The following CSMD1 variants were observed in gnomAD, a reference collection of about 807,000 sequenced individuals.
CSMD1 encodes the protein CUB and Sushi multiple domains 1.
Under a neutral mutation model 417.5 loss-of-function variants are expected in CSMD1, and 213 were observed. That is an observed-to-expected ratio of 0.51 (90% confidence interval 0.46 to 0.57). CSMD1 has a LOEUF of 0.57. Ranked by LOEUF, CSMD1 falls within the 20% of genes least tolerant of loss-of-function variation. CSMD1 has a pLI of 0.00. For missense variants in CSMD1, 6,923 were observed against 4,529.7 expected, an observed-to-expected ratio of 1.53 and a Z score of -15.17; for synonymous variants, 2,862 against 1,736.8, an observed-to-expected ratio of 1.65 and a Z score of -16.11.
At chr8:3,898,367 T>C (rs1807506577) in intron 5 of CSMD1, among the ~76,000 whole-genome samples, 1 of 152,122 alleles carries the variant, frequency 6.6e-6, no homozygotes, top group East Asian at 1.9e-4. Flanking sequence ...TTATATGGCA[T>C]GATCTGTTAT....
intron 1 of CSMD1, among the ~76,000 whole-genome samples, chr8:4,850,950 CTTT>C (rs35923749): frequency 6.7e-6 from 1 of 149,984 alleles, no homozygotes; most frequent in South Asian, 2.1e-4. Flanking sequence ...TGTTAATTTC[CTTT>C]TTTTAATATA....
chr8:4,789,419 T>A (rs143398120), intron 1 of CSMD1, among the ~76,000 whole-genome samples: 1 of 152,180 alleles, frequency 6.6e-6, no homozygotes, highest in African/African-American at 2.4e-5. Context: ...GTATCTAATA[T>A]TGATAGTACT....
intron 47 of CSMD1, among the ~76,000 whole-genome samples, chr8:3,093,415 C>A (rs1015294400): frequency 1.3e-5 from 2 of 152,132 alleles, no homozygotes; most frequent in African/African-American, 2.4e-5. Flanking sequence ...ACCTGTAATC[C>A]CAGCGCTTTG....
intron 27 of CSMD1, among the ~76,000 whole-genome samples, chr8:3,228,822 G>T (rs943890824): frequency 6.6e-6 from 1 of 151,818 alleles, no homozygotes; most frequent in Non-Finnish European, 1.5e-5. Context: ...GTAGGCCATT[G>T]GTTTAAAATG....
At chr8:4,883,418 C>A (rs1288456218) in intron 1 of CSMD1, among the ~76,000 whole-genome samples, 1 of 151,902 alleles carries the variant, frequency 6.6e-6, no homozygotes, top group Non-Finnish European at 1.5e-5. Flanking sequence ...AAGATCATCA[C>A]CACTCTCTCA....
At chr8:4,723,257 T>C (rs892987712) in intron 1 of CSMD1, among the ~76,000 whole-genome samples, 3 of 152,156 alleles carry the variant, frequency 2.0e-5, no homozygotes, top group Non-Finnish European at 4.4e-5. Context: ...TTTCTTGCCA[T>C]CCCTTCACTT....
intron 8 of CSMD1, among the ~76,000 whole-genome samples, chr8:3,613,720 CACACACACACACACACA>C (rs1412680300): frequency 0.012 from 1,374 of 113,250 alleles, 23 homozygotes; most frequent in African/African-American, 0.043. Flanking sequence ...CACACACACA[CACACACACACACACACA>C]CCTCAAAAAA....
intron 1 of CSMD1, among the ~76,000 whole-genome samples, chr8:4,813,124 G>T (rs530365014): frequency 5.2e-4 from 79 of 152,236 alleles, no homozygotes; most frequent in African/African-American, 1.8e-3. Flanking sequence ...CTAAAAATAT[G>T]TTAAGCTCTC....
chr8:3,827,201 G>A (rs1802104712), intron 5 of CSMD1, among the ~76,000 whole-genome samples: 2 of 152,172 alleles, frequency 1.3e-5, no homozygotes. Flanking sequence ...TTCTCCCAAA[G>A]AGTAGGGACA....
At chr8:4,257,349 T>G (rs182518996) in intron 3 of CSMD1, among the ~76,000 whole-genome samples, 153 of 152,312 alleles carry the variant, frequency 1.0e-3, no homozygotes, top group Non-Finnish European at 1.5e-3. Context: ...ATTCAAGGGT[T>G]GAATAATTTT....
chr8:3,837,407 T>C (rs1175655503), intron 5 of CSMD1, among the ~76,000 whole-genome samples: 1 of 152,114 alleles, frequency 6.6e-6, no homozygotes, highest in African/African-American at 2.4e-5. Context: ...TGCACTTTGA[T>C]CTCAAAGGAC....
At chr8:4,533,129 T>C (rs1796920259) in intron 2 of CSMD1, among the ~76,000 whole-genome samples, 1 of 152,220 alleles carries the variant, frequency 6.6e-6, no homozygotes, top group Non-Finnish European at 1.5e-5. Flanking sequence ...ATATGGCATT[T>C]TGTGACTGGG....
chr8:4,231,613 G>A lies in CSMD1; in HGVS notation c.415+188340C>T, dbSNP rs114727068. 1.5e-3 allele frequency among the ~76,000 whole-genome samples: 222 copies of A among 152,270 alleles called. 4 individuals carry two copies. The highest frequency in any genetic ancestry group is 4.9e-3 in the African/African-American group (204 of 41,554). ...ATCTGCATACAATCCCCCAACAAAT[G>A]TTGAGTCAGATATCTTCTTTACTGC... On this transcript the variant is annotated intron_variant, in intron 3 of 69. Transcript: ENST00000635120.
intron 6 of CSMD1, among the ~76,000 whole-genome samples, chr8:3,735,160 A>C (rs1191189959): frequency 1.3e-5 from 2 of 152,206 alleles, no homozygotes; most frequent in Non-Finnish European, 2.9e-5. Flanking sequence ...ATACATTCCC[A>C]AGTCATATTT....
intron 25 of CSMD1, among the ~76,000 whole-genome samples, chr8:3,286,458 T>G (rs1803166412): frequency 6.6e-6 from 1 of 152,174 alleles, no homozygotes; most frequent in South Asian, 2.1e-4. Flanking sequence ...GTGAAAGTGT[T>G]CCTATTTCTC....
At chr8:4,279,417 T>G (rs1307666549) in intron 3 of CSMD1, among the ~76,000 whole-genome samples, 1 of 152,184 alleles carries the variant, frequency 6.6e-6, no homozygotes, top group Non-Finnish European at 1.5e-5. Flanking sequence ...AAATGTGAAT[T>G]TTTGGCAGTA....
intron 2 of CSMD1, among the ~76,000 whole-genome samples, chr8:4,483,659 CAT>C (rs945456414): frequency 6.6e-6 from 1 of 152,096 alleles, no homozygotes; most frequent in African/African-American, 2.4e-5. Context: ...GGGCTAAACA[CAT>C]ATTTAATCCA....
At chr8:4,709,024 A>G (rs1002324924) in intron 1 of CSMD1, among the ~76,000 whole-genome samples, 1 of 152,178 alleles carries the variant, frequency 6.6e-6, no homozygotes, top group African/African-American at 2.4e-5. Flanking sequence ...ATAAATGTCT[A>G]TTGCTGAAGC....
intron 3 of CSMD1, among the ~76,000 whole-genome samples, chr8:4,279,874 C>T (rs17069831): frequency 0.27 from 41,699 of 152,056 alleles, 5,881 homozygotes; most frequent in East Asian, 0.44. Flanking sequence ...GAATCTGAAG[C>T]AGATGCCAAC....
Sources: allele counts gnomAD v4.1 joint callset (sites outside exome capture counted in the v4.1 genomes callset), GRCh38; gene constraint gnomAD v4.1.1; transcripts MANE v1.5; gene names NCBI Gene and HGNC (gene_info 2026-07-23, HGNC 2026-07-21).